The following COL18A1 variants were observed in gnomAD, a reference collection of about 807,000 sequenced individuals.
The protein encoded by COL18A1 is collagen alpha-1(XVIII) chain.
In COL18A1, 133 loss-of-function variants were observed where a neutral mutation model predicts 168.0. The ratio of observed to expected loss-of-function variants is 0.79; its 90% confidence interval spans 0.69 to 0.91. The LOEUF (loss-of-function observed/expected upper bound fraction) is 0.91, where lower values mean the gene tolerates loss of function less well. Among genes scored for constraint, COL18A1 ranks in the 40% least tolerant of loss-of-function variants. COL18A1 has a pLI of 0.00. For synonymous variants in COL18A1, 949 were observed against 809.0 expected (o/e 1.17, Z -2.94); for missense variants, 2,126 against 1,925.4 (o/e 1.10, Z -1.95).
chr21:45,507,766 T>A (rs2037311122), intron 38 of COL18A1, among the ~76,000 whole-genome samples, 173 bp downstream of exon 38: 1 of 152,132 alleles, frequency 6.6e-6, no homozygotes, highest in Non-Finnish European at 1.5e-5. Context: ...TACCTCTGTC[T>A]CAGCGCTGGC....
chr21:45,494,471 C>T lies in COL18A1; in HGVS notation c.2353-74C>T, dbSNP rs1447016758. On this transcript the variant is annotated intron_variant, in intron 26 of 41. Transcript: ENST00000651438. ...CCGCCACCTAACCGTGCCTTCGCCACAGGGGCCCTCAGAGAGGCTGCCAGG... is the reference window on the plus strand; with the variant it reads ...CCGCCACCTAACCGTGCCTTCGCCATAGGGGCCCTCAGAGAGGCTGCCAGG... 8 of 1,606,364 alleles carry T rather than the reference C, an allele frequency of 5.0e-6. No homozygotes were observed. The Admixed American group carries it at 6.7e-5, about 13-fold the overall frequency.
rs956137597 is a variant in COL18A1 at position 45,468,604 on chromosome 21, G to A, written c.469G>A (p.Ala157Thr). Reference protein sequence around the residue: ...THTAASFRLPAFVGQWTHLAL... With the variant: ...THTAASFRLPTFVGQWTHLAL... ...CACAGCCGCCAGCTTCCGGCTCCCCGCCTTCGTCGGCCAGTGGACACACTT... is the reference window on the plus strand; with the variant it reads ...CACAGCCGCCAGCTTCCGGCTCCCCACCTTCGTCGGCCAGTGGACACACTT... Residue 157 changes from alanine (A) to threonine (T), a missense_variant, in exon 3 of 42, where the codon GCC (alanine) becomes ACC (threonine). Physicochemically the swap from Ala to Thr is moderately conservative, Grantham distance 58 (BLOSUM62 0). Coordinates refer to ENST00000651438, the MANE Select transcript of COL18A1 (RefSeq NM_001379500.1). The A allele has an allele frequency of 5.0e-6, 8 of 1,613,762 alleles. No individual in the cohort carries two copies. In the Admixed American group the frequency reaches 5.0e-5, roughly 10 times the overall value.
At position 45,425,033 on chromosome 21, in the gene COL18A1, A is replaced by C. The variant is rs1040753073; in HGVS notation, c.106+19560A>C. On this transcript the variant is annotated intron_variant, in intron 2 of 41. Transcript: ENST00000651438. This position sits in a 1 kb window ranked among gnomAD's most constrained non-coding sequence, Gnocchi z 4.1. ...AATTTCCTCTGTAGCCATTCGCAGG[A>C]GGTTTCTCAGATGCCCCGGGCTCGG... 1 of 152,174 alleles carries C rather than the reference A, an allele frequency of 6.6e-6. No individual in the cohort carries two copies. Among genetic ancestry groups the C allele is most frequent in the Non-Finnish European group, 1.5e-5 (1 of 68,060 alleles). 9.4% of individuals were successfully genotyped at this position (152,174 alleles called of 1,614,324 possible).
At chr21:45,468,131 C>T in intron 2 of COL18A1, 111 bp from the exon 3 acceptor site, 1 of 1,210,456 alleles carries the variant, frequency 8.3e-7, no homozygotes, top group South Asian at 1.3e-5. Flanking sequence ...GAGAGCCCTC[C>T]CAGACTCAGT....
chr21:45,406,670 CAGGGCCCAG>C (rs1162715383), intron 2 of COL18A1, among the ~76,000 whole-genome samples: 1 of 152,178 alleles, frequency 6.6e-6, no homozygotes, highest in Admixed American at 6.5e-5. Context: ...CCAGCGCCCA[CAGGGCCCAG>C]ACCAGGGCTC....
chr21:45,493,087 C>T (rs2036412179), intron 24 of COL18A1, 76 bp from the exon 25 acceptor site: 36 of 1,412,866 alleles, frequency 2.5e-5, no homozygotes, highest in Non-Finnish European at 3.2e-5. Flanking sequence ...GGGCAGCTGT[C>T]GGGGGAGATG....
In COL18A1 at chr21:45,472,667, G is replaced by A. The variant is rs572397341; in HGVS notation, c.652-1228G>A. On this transcript the variant is annotated intron_variant, in intron 3 of 41. Coordinates refer to ENST00000651438, the MANE Select transcript of COL18A1 (RefSeq NM_001379500.1). ...GGACCCCACGGTGCTGCCCCTGGCC[G>A]ACCTGGGGGCACTGTAGGCAACGCC... Among the ~76,000 whole-genome samples the A allele has an allele frequency of 1.8e-4, 28 of 152,264 alleles. No homozygotes were observed. In the East Asian group the frequency reaches 4.3e-3, roughly 23 times the overall value.
chr21:45,490,729 C>G (rs112239383), intron 20 of COL18A1, 107 bp from the exon 21 acceptor site: 2 of 1,232,498 alleles, frequency 1.6e-6, no homozygotes, highest in Non-Finnish European at 1.2e-6. Context: ...AGGCCCCAGC[C>G]GGTCGGGAAA....
intron 2 of COL18A1, among the ~76,000 whole-genome samples, chr21:45,422,093 GCT>G (rs1482836902): frequency 5.3e-5 from 8 of 151,984 alleles, no homozygotes; most frequent in South Asian, 2.1e-4. Context: ...GCTCACACAA[GCT>G]CTCACACACA....
intron 2 of COL18A1, chr21:45,467,358 C>T: frequency 1.0e-6 from 1 of 985,394 alleles, no homozygotes; most frequent in Non-Finnish European, 1.2e-6. Flanking sequence ...AGTGAGTCAC[C>T]CGGCGCTGTG....
At chr21:45,492,630 C>A in intron 23 of COL18A1, 57 bp from the exon 24 acceptor site, 1 of 1,611,060 alleles carries the variant, frequency 6.2e-7, no homozygotes, top group East Asian at 2.2e-5. Context: ...TGGGTGGGGT[C>A]CGGGCAGGCG....
At position 45,456,040 on chromosome 21, in the gene COL18A1, C is replaced by T. The variant is rs1402697062; in HGVS notation, c.107-12202C>T. The T allele has an allele frequency of 6.8e-6, 11 of 1,608,452 alleles. No homozygotes were observed. The South Asian group carries it at 1.1e-4, about 16-fold the overall frequency. On this transcript the variant is annotated intron_variant, in intron 2 of 41. Transcript: ENST00000651438. Reference sequence around the variant, plus strand: ...AGGAGAATGGGACCACTCTCTGGCCCAGCCGTGGCATTCCTAGCTCTCCGG... The same window carrying T: ...AGGAGAATGGGACCACTCTCTGGCCTAGCCGTGGCATTCCTAGCTCTCCGG...
Position 45,477,928 on chromosome 21 carries a change from C to CG in COL18A1, c.1188dup (p.Arg397GlufsTer16). ...GGACCACAAGGACCCCCAGGGCCTC[C>CG]GGGGAGGGACGGCACCCCTGGAAGG... On this transcript the variant is annotated frameshift_variant, in exon 8 of 42. Transcript: ENST00000651438. LOFTEE classifies it high-confidence loss of function. The CG allele has an allele frequency of 6.4e-7, 1 of 1,560,446 alleles. No individual in the cohort carries two copies. The highest frequency in any genetic ancestry group is 8.7e-7 in the Non-Finnish European group (1 of 1,151,286).
chr21:45,488,730 T>C (rs1325235302), intron 18 of COL18A1, among the ~76,000 whole-genome samples: 1 of 152,040 alleles, frequency 6.6e-6, no homozygotes, highest in African/African-American at 2.4e-5. Context: ...TTCTCAGACT[T>C]GGGCCGAAAA....
At position 45,457,360 on chromosome 21, in the gene COL18A1, G is replaced by A. The variant is rs78765884; in HGVS notation, c.107-10882G>A. Among the ~76,000 whole-genome samples the A allele has an allele frequency of 2.2e-3, 340 of 152,326 alleles. No homozygotes were observed. Among genetic ancestry groups the A allele is most frequent in the African/African-American group, 7.4e-3 (309 of 41,578 alleles). ...TCGGGCCAAGGGTGCTGCCGCGTGG[G>A]CAGTGCAGAGACCCTACCAGCGTGG... On this transcript the variant is annotated intron_variant, in intron 2 of 41. Transcript: ENST00000651438. The surrounding 1 kb of genome is among the most constrained non-coding windows in gnomAD (Gnocchi z 4.6).
At position 45,405,407 on chromosome 21, in the gene COL18A1, C is replaced by A. The variant is rs1286802468; in HGVS notation, c.40C>A (p.Arg14Ser). The change falls in exon 2 of 42, where the codon CGC (arginine) becomes AGC (serine). Residue 14 changes from arginine to serine, a missense_variant. By Grantham distance (110) the Arg-to-Ser change is moderately radical. Transcript: ENST00000651438. ...RCPWPWPRRR[R>S]LLDVLAPLVL... ...CCCCTGGCCATGGCCGCGGCGGCGG[C>A]GCCTCCTGGACGTGCTCGCGCCCCT... 3.8e-6 allele frequency: 5 copies of A among 1,325,424 alleles called. No individual in the cohort carries two copies. The highest frequency in any genetic ancestry group is 4.8e-6 in the Non-Finnish European group (5 of 1,033,364). 82.1% of individuals were successfully genotyped at this position (1,325,424 alleles called of 1,614,324 possible).
chr21:45,483,943 T>C (rs2035986640), intron 15 of COL18A1, among the ~76,000 whole-genome samples: 1 of 131,796 alleles, frequency 7.6e-6, no homozygotes, highest in Non-Finnish European at 1.6e-5. Flanking sequence ...CACACACACC[T>C]CTCCAGCATA....
intron 4 of COL18A1, among the ~76,000 whole-genome samples, chr21:45,474,463 T>C (rs1368706247): frequency 7.0e-6 from 1 of 142,820 alleles, no homozygotes; most frequent in East Asian, 2.1e-4. Context: ...AGTGTGTCTC[T>C]GTGTGTGGTG....
At chr21:45,503,699 G>C (rs917586108) in intron 32 of COL18A1, among the ~76,000 whole-genome samples, 9 of 151,608 alleles carry the variant, frequency 5.9e-5, no homozygotes, top group Admixed American at 3.9e-4. Context: ...TGACGAGTTA[G>C]TGGGTGCAGC....
Sources: allele counts gnomAD v4.1 joint callset (sites outside exome capture counted in the v4.1 genomes callset), GRCh38; gene constraint gnomAD v4.1.1; non-coding constraint Gnocchi (gnomAD v3.1); transcripts MANE v1.5; gene names NCBI Gene and HGNC (gene_info 2026-07-23, HGNC 2026-07-21).